Variants in CSMD2 observed in about 807,000 individuals in gnomAD.
The protein encoded by CSMD2 is CUB and Sushi multiple domains 2.
A neutral mutation model predicts 398.5 loss-of-function variants in CSMD2; 130 were observed. That is an observed-to-expected ratio of 0.33 (90% confidence interval 0.28 to 0.38). The LOEUF is 0.38. CSMD2 is among the 10% of genes least tolerant of loss of function. The pLI is 1.00. For missense variants in CSMD2, 3,829 were observed against 4,764.9 expected, an observed-to-expected ratio of 0.80 and a Z score of 5.78; for synonymous variants, 1,828 against 1,908.5, an observed-to-expected ratio of 0.96 and a Z score of 1.10.
chr1:33,629,961 G>C (rs754571907), intron 32 of CSMD2, among the ~76,000 whole-genome samples: 1 of 151,922 alleles, frequency 6.6e-6, no homozygotes, highest in Non-Finnish European at 1.5e-5. Flanking sequence ...AGCACTTTGG[G>C]AGGCTGAGGC....
chr1:34,092,573 G>C (rs1386358815), intron 1 of CSMD2, among the ~76,000 whole-genome samples: 1 of 152,120 alleles, frequency 6.6e-6, no homozygotes, highest in Non-Finnish European at 1.5e-5. Context: ...AGCCGAAGCA[G>C]GGCGAGGCAT....
intron 47 of CSMD2, among the ~76,000 whole-genome samples, chr1:33,581,355 A>T (rs2225689): frequency 0.14 from 6,441 of 47,582 alleles, 434 homozygotes; most frequent in African/African-American, 0.37. Context: ...CATCTTTACT[A>T]AAAAAAAAAA....
intron 3 of CSMD2, among the ~76,000 whole-genome samples, chr1:34,019,113 A>G (rs886699075): frequency 6.6e-6 from 1 of 152,186 alleles, no homozygotes; most frequent in African/African-American, 2.4e-5. Context: ...GCCTACCTCA[A>G]AGGACTGCTT....
intron 9 of CSMD2, among the ~76,000 whole-genome samples, chr1:33,814,942 C>G (rs562097645): frequency 1.3e-5 from 2 of 152,058 alleles, no homozygotes; most frequent in Non-Finnish European, 2.9e-5. Context: ...GTCTGGACCT[C>G]AAGACCACTC....
At chr1:33,689,041 A>G (rs1645146989) in intron 25 of CSMD2, among the ~76,000 whole-genome samples, 1 of 145,094 alleles carries the variant, frequency 6.9e-6, no homozygotes, top group South Asian at 2.3e-4. Flanking sequence ...AGAGAGAGGG[A>G]GGGAAGGAGA....
At chr1:33,793,373 T>C (rs1654559795) in intron 10 of CSMD2, among the ~76,000 whole-genome samples, 1 of 152,124 alleles carries the variant, frequency 6.6e-6, no homozygotes, top group South Asian at 2.1e-4. Context: ...GCACAGGGCC[T>C]GAGCTATGGC....
intron 3 of CSMD2, among the ~76,000 whole-genome samples, chr1:33,974,466 T>A (rs1645887449): frequency 6.6e-6 from 1 of 152,200 alleles, no homozygotes; most frequent in Admixed American, 6.5e-5. Context: ...AGGAGCAAGT[T>A]TTACTGAATG....
intron 52 of CSMD2, among the ~76,000 whole-genome samples, chr1:33,568,231 A>C: frequency 7.0e-6 from 1 of 142,934 alleles, no homozygotes; most frequent in African/African-American, 2.6e-5. Flanking sequence ...TCTGTCTGCC[A>C]GGCTGGACTG....
rs776354588 is a variant in CSMD2, at chr1:33,864,307, A to G, written c.921-17311T>C. On this transcript the variant is annotated intron_variant, in intron 5 of 70. Transcript: ENST00000373381. ...CAGCCAAATACCTATGTTGGCTTTAAAGAGTTCTCTAGAAAGTGTTCGGAA... is the reference window on the plus strand; with the variant it reads ...CAGCCAAATACCTATGTTGGCTTTAGAGAGTTCTCTAGAAAGTGTTCGGAA... 4 of 1,613,786 alleles carry G rather than the reference A, an allele frequency of 2.5e-6. No homozygotes were observed. The East Asian group carries it at 6.7e-5, about 27-fold the overall frequency.
intron 13 of CSMD2, among the ~76,000 whole-genome samples, chr1:33,754,424 G>A (rs982835559): frequency 6.6e-6 from 1 of 152,064 alleles, no homozygotes; most frequent in African/African-American, 2.4e-5. Flanking sequence ...GCTTCCTGAG[G>A]CCCTCATCAG....
chr1:33,655,465 T>A (rs1041506597), intron 27 of CSMD2, among the ~76,000 whole-genome samples: 1 of 152,236 alleles, frequency 6.6e-6, no homozygotes, highest in African/African-American at 2.4e-5. Context: ...TTCACTATTT[T>A]ACTGGTGAGG....
intron 3 of CSMD2, among the ~76,000 whole-genome samples, chr1:34,014,871 A>G (rs2148082777): frequency 6.6e-6 from 1 of 152,370 alleles, no homozygotes; most frequent in East Asian, 1.9e-4. Context: ...AATGAGAAAC[A>G]AAGATACTCT....
At chr1:33,734,784 CAAAAAAA>C (rs11337287) in intron 15 of CSMD2, among the ~76,000 whole-genome samples, 1 of 128,908 alleles carries the variant, frequency 7.8e-6, no homozygotes, top group African/African-American at 2.7e-5. Flanking sequence ...GATTCCATCT[CAAAAAAA>C]AAAAAGAAAA....
chr1:34,082,521 G>A (rs34396485), intron 2 of CSMD2, among the ~76,000 whole-genome samples: 32,514 of 151,092 alleles, frequency 0.22, 4,533 homozygotes, highest in Middle Eastern at 0.32. Flanking sequence ...TGGCCGCCAC[G>A]TCTGGGGGGT....
chr1:33,611,858 G>A (rs749099898), intron 40 of CSMD2, among the ~76,000 whole-genome samples: 1 of 152,150 alleles, frequency 6.6e-6, no homozygotes, highest in South Asian at 2.1e-4. Context: ...TTTCAAGAAC[G>A]AAGGTGGGAA....
At position 33,843,874 on chromosome 1, in the gene CSMD2, G is replaced by A. The variant is rs1661100575; in HGVS notation, c.1033+3010C>T. ...CTGCAGGTAGGGAATAGCTTTCCAG[G>A]TCTGCCAAGGGGCAGACCTCTCTTC... On this transcript the variant is annotated intron_variant, in intron 6 of 70. Transcript: ENST00000373381. 2.0e-5 allele frequency among the ~76,000 whole-genome samples: 3 copies of A among 152,176 alleles called. No homozygotes were observed. In the South Asian group the frequency reaches 6.2e-4, roughly 31 times the overall value.
At chr1:33,710,739 T>C (rs1475197610) in intron 21 of CSMD2, among the ~76,000 whole-genome samples, 1 of 119,758 alleles carries the variant, frequency 8.4e-6, no homozygotes, top group Non-Finnish European at 1.7e-5. Context: ...TGAGGCAGCA[T>C]AGATGGAGAA....
intron 25 of CSMD2, among the ~76,000 whole-genome samples, chr1:33,664,230 C>A (rs978975385): frequency 6.6e-6 from 1 of 152,182 alleles, no homozygotes; most frequent in Non-Finnish European, 1.5e-5. Context: ...AGGTTTGGTA[C>A]ATATGCTTCC....
At chr1:34,097,125 G>A (rs1257539691) in intron 1 of CSMD2, among the ~76,000 whole-genome samples, 1 of 144,476 alleles carries the variant, frequency 6.9e-6, no homozygotes, top group Admixed American at 6.9e-5. Context: ...ACAACTATCT[G>A]ATCTTTGACA....
Sources: allele counts gnomAD v4.1 joint callset (sites outside exome capture counted in the v4.1 genomes callset), GRCh38; gene constraint gnomAD v4.1.1; transcripts MANE v1.5; gene names NCBI Gene and HGNC (gene_info 2026-07-23, HGNC 2026-07-21).